Variants in PDE4D observed in about 807,000 individuals in gnomAD.
PDE4D encodes the protein phosphodiesterase 4D.
Under a neutral mutation model 87.4 loss-of-function variants are expected in PDE4D, and 24 were observed. That is an observed-to-expected ratio of 0.27 (90% CI 0.20 to 0.39). PDE4D has a LOEUF of 0.39. Ranked by LOEUF, PDE4D falls within the 10% of genes least tolerant of loss-of-function variation. PDE4D has a pLI of 1.00. For missense variants in PDE4D, 714 were observed against 1,041.0 expected (o/e 0.69, Z 4.32); for synonymous variants, 384 against 383.2 (o/e 1.00, Z -0.02).
chr5:59,140,210 C>T (rs1451262471), intron 5 of PDE4D, among the ~76,000 whole-genome samples: 2 of 152,208 alleles, frequency 1.3e-5, no homozygotes, highest in Admixed American at 6.5e-5. Flanking sequence ...ATGCTGGGAG[C>T]AGATTAAGTA....
chr5:60,240,887 A>G (rs1562250089), intron 1 of PDE4D, among the ~76,000 whole-genome samples: 1 of 152,110 alleles, frequency 6.6e-6, no homozygotes, highest in Non-Finnish European at 1.5e-5. Context: ...GAATACCTGG[A>G]AAGTCTTCCC....
At chr5:59,142,419 A>G (rs79326133) in intron 5 of PDE4D, among the ~76,000 whole-genome samples, 5,749 of 152,302 alleles carry the variant, frequency 0.038, 328 homozygotes, top group African/African-American at 0.12. Flanking sequence ...AATCCCCAAC[A>G]CTACGTATTA....
intron 5 of PDE4D, among the ~76,000 whole-genome samples, chr5:59,172,120 T>C (rs1324911562): frequency 1.2e-5 from 1 of 83,398 alleles, no homozygotes; most frequent in Non-Finnish European, 2.0e-5. Context: ...ATAATAAATA[T>C]ATATTATATA....
At chr5:60,244,561 T>A (rs1296779133) in intron 1 of PDE4D, among the ~76,000 whole-genome samples, 10 of 151,892 alleles carry the variant, frequency 6.6e-5, no homozygotes, top group Non-Finnish European at 1.5e-4. Context: ...ACTATAGAGC[T>A]ATAGTAACAA....
chr5:59,817,742 A>C lies in PDE4D; in HGVS notation c.455+75426T>G, dbSNP rs1263146872. ...CACGCGCGCGCGCGCACACACCCAC[A>C]CCCCCCCCCACACACACACAGAAAG... On this transcript the variant is annotated intron_variant, in intron 1 of 14. Transcript: ENST00000340635. Among the ~76,000 whole-genome samples, 670 of 121,974 alleles carry C rather than the reference A, an allele frequency of 5.5e-3. 4 individuals carry two copies. Among genetic ancestry groups the C allele is most frequent in the Admixed American group, 0.011 (128 of 11,238 alleles). The allele number at this position is 121,974 out of a possible 152,430, so 80.0% of individuals were successfully genotyped here. A position where few individuals can be genotyped will look rare whatever the true frequency, so the allele number is the denominator to read the frequency against.
At chr5:60,131,355 C>T (rs1779562669) in intron 2 of PDE4D, among the ~76,000 whole-genome samples, 1 of 152,076 alleles carries the variant, frequency 6.6e-6, no homozygotes, top group Admixed American at 6.6e-5. Flanking sequence ...TTATACCTTC[C>T]CTGTATCCAC....
chr5:60,313,746 AT>A (rs773989595), intron 1 of PDE4D, among the ~76,000 whole-genome samples: 7 of 152,344 alleles, frequency 4.6e-5, no homozygotes, highest in Admixed American at 2.0e-4. Flanking sequence ...ATTCAGCATG[AT>A]TAAGTAGACT....
chr5:59,648,378 C>G (rs1393098692), intron 1 of PDE4D, among the ~76,000 whole-genome samples: 1 of 152,050 alleles, frequency 6.6e-6, no homozygotes, highest in African/African-American at 2.4e-5. Context: ...AGGCCTTTTT[C>G]CAAGTCACTC....
At chr5:59,918,527 C>T (rs1400214836) in intron 3 of PDE4D, among the ~76,000 whole-genome samples, 1 of 152,138 alleles carries the variant, frequency 6.6e-6, no homozygotes, top group Non-Finnish European at 1.5e-5. Flanking sequence ...AAGTGATGCC[C>T]TGTCACTCTT....
At chr5:59,751,394 A>G (rs1760434756) in intron 1 of PDE4D, among the ~76,000 whole-genome samples, 1 of 152,192 alleles carries the variant, frequency 6.6e-6, no homozygotes, top group African/African-American at 2.4e-5. Flanking sequence ...GAAAGATGGT[A>G]TAGATTGGTC....
chr5:60,441,664 G>A (rs1186159338), intron 1 of PDE4D, among the ~76,000 whole-genome samples: 1 of 152,094 alleles, frequency 6.6e-6, no homozygotes. Flanking sequence ...TACAGAGTGG[G>A]AGAAAATTTT....
chr5:59,590,680 C>A (rs138674761), intron 1 of PDE4D, among the ~76,000 whole-genome samples: 1,720 of 152,122 alleles, frequency 0.011, 31 homozygotes, highest in African/African-American at 0.039. Flanking sequence ...TCTACTAGAG[C>A]AAAGACTGGT....
intron 1 of PDE4D, among the ~76,000 whole-genome samples, chr5:59,502,686 G>C (rs1289321107): frequency 1.3e-5 from 2 of 151,258 alleles, no homozygotes; most frequent in African/African-American, 4.8e-5. Flanking sequence ...GTGTGTGTGT[G>C]TGTGTGTGTG....
intron 1 of PDE4D, among the ~76,000 whole-genome samples, chr5:59,298,756 C>T (rs1769603153): frequency 6.6e-6 from 1 of 152,116 alleles, no homozygotes; most frequent in Non-Finnish European, 1.5e-5. Flanking sequence ...TTTTAAAGCA[C>T]ATTATAATTA....
chr5:60,011,767 A>C (rs930011959), intron 2 of PDE4D, among the ~76,000 whole-genome samples: 8 of 152,188 alleles, frequency 5.3e-5, no homozygotes, highest in Non-Finnish European at 1.2e-4. Context: ...AAGAAGCAGC[A>C]GAGCAAAATA....
intron 5 of PDE4D, among the ~76,000 whole-genome samples, chr5:59,141,114 T>C (rs192651736): frequency 6.6e-6 from 1 of 152,302 alleles, no homozygotes; most frequent in East Asian, 1.9e-4. Flanking sequence ...GGCAATCTGT[T>C]CAGTGATTTT....
chr5:59,508,569 A>T (rs1427261263), intron 1 of PDE4D, among the ~76,000 whole-genome samples: 1 of 152,160 alleles, frequency 6.6e-6, no homozygotes, highest in African/African-American at 2.4e-5. Flanking sequence ...GCATAAAAAA[A>T]ATAAACTTGC....
chr5:59,036,384 T>C (rs1410480643), intron 6 of PDE4D, among the ~76,000 whole-genome samples: 1 of 152,218 alleles, frequency 6.6e-6, no homozygotes, highest in Non-Finnish European at 1.5e-5. Context: ...GTAAAAAGAA[T>C]GGATGGTAAT....
At chr5:59,687,777 T>C (rs113545962) in intron 1 of PDE4D, among the ~76,000 whole-genome samples, 28,118 of 151,984 alleles carry the variant, frequency 0.19, 3,188 homozygotes, top group South Asian at 0.26. Flanking sequence ...AACTGGCAAA[T>C]TGGATAAAGA....
Sources: allele counts gnomAD v4.1 joint callset (sites outside exome capture counted in the v4.1 genomes callset), GRCh38; gene constraint gnomAD v4.1.1; transcripts MANE v1.5; gene names NCBI Gene and HGNC (gene_info 2026-07-23, HGNC 2026-07-21).